Variants in TMEM26 observed in about 807,000 individuals in gnomAD.
TMEM26 encodes the protein transmembrane protein 26.
TMEM26 carries 38 observed loss-of-function variants against 28.8 expected under a neutral mutation model. That is an observed-to-expected ratio of 1.32 (90% CI 1.02 to 1.73). The LOEUF is 1.73. TMEM26 is among the 40% of genes most tolerant of loss of function. The pLI is 0.00. For synonymous variants in TMEM26, 227 were observed against 182.9 expected (o/e 1.24, Z -1.95); for missense variants, 518 against 447.1 (o/e 1.16, Z -1.43).
In TMEM26 at chr10:61,425,232, G is replaced by GCC. The variant is rs1839811219; in HGVS notation, c.605+3693_605+3694insGG. Among the ~76,000 whole-genome samples, 3 of 152,102 alleles carry GCC rather than the reference G, an allele frequency of 2.0e-5. No individual in the cohort carries two copies. In the South Asian group the frequency reaches 6.2e-4, roughly 31 times the overall value. ...ATTCACTATCACAAGAGCAGTGCAG[G>GCC]AAAGACCTGCTCCCGTAACTCAGTC... On this transcript the variant is annotated intron_variant, in intron 4 of 5. Coordinates refer to ENST00000399298, the MANE Select transcript of TMEM26 (RefSeq NM_178505.8).
At chr10:61,432,976 G>A (rs1839946932) in intron 2 of TMEM26, among the ~76,000 whole-genome samples, 1 of 152,136 alleles carries the variant, frequency 6.6e-6, no homozygotes, top group East Asian at 1.9e-4. Flanking sequence ...TCATTGCAAA[G>A]CATGTTGGTG....
In TMEM26 at chr10:61,408,433, T is replaced by A. The variant is rs1399037848; in HGVS notation, c.*1889A>T. ...TTATACTTTATCTATTTTTAGGGCC[T>A]CAGTGTTTATTTTGCTGGAAGAAAA... On this transcript the variant is annotated 3_prime_UTR_variant, in exon 6 of 6. Coordinates refer to ENST00000399298, the MANE Select transcript of TMEM26 (RefSeq NM_178505.8). 1 of 152,212 alleles carries A rather than the reference T, an allele frequency of 6.6e-6. No individual in the cohort carries two copies. The highest frequency in any genetic ancestry group is 1.5e-5 in the Non-Finnish European group (1 of 68,032). The allele number at this position is 152,212 out of a possible 1,614,324, so 9.4% of individuals were successfully genotyped here.
intron 4 of TMEM26, among the ~76,000 whole-genome samples, chr10:61,420,538 T>C (rs1839728164): frequency 2.0e-5 from 3 of 152,148 alleles, no homozygotes; most frequent in Admixed American, 1.3e-4. Context: ...AATTATATAT[T>C]TGTATATATA....
intron 4 of TMEM26, among the ~76,000 whole-genome samples, chr10:61,420,355 G>A (rs1325321332): frequency 6.6e-6 from 1 of 152,066 alleles, no homozygotes. Flanking sequence ...GGAAGAGGTG[G>A]AAGAGGTGGA....
Position 61,453,198 on chromosome 10 carries a change from G to A in TMEM26, c.-117C>T. On this transcript the variant is annotated 5_prime_UTR_variant, in exon 1 of 6. Coordinates refer to ENST00000399298, the MANE Select transcript of TMEM26 (RefSeq NM_178505.8). ...CAAGCACTGAGACCTGCTGCTGCTT[G>A]TGGTCCCTTCTCACCCTCAGCGCCC... The A allele has an allele frequency of 9.1e-7, 1 of 1,094,978 alleles. No individual in the cohort carries two copies. The highest frequency in any genetic ancestry group is 1.5e-5 in the South Asian group (1 of 66,680). The allele number at this position is 1,094,978 out of a possible 1,614,324, so 67.8% of individuals were successfully genotyped here.
chr10:61,453,265 C>A lies in TMEM26; in HGVS notation c.-184G>T, dbSNP rs530422492. On this transcript the variant is annotated 5_prime_UTR_variant, in exon 1 of 6. Transcript: ENST00000399298. Reference sequence around the variant, plus strand: ...GTGCGCGGCTCGCCCCTCCCCCAAACTTCCTGAGAACTCTTCAAAGAGGGG... The same window carrying A: ...GTGCGCGGCTCGCCCCTCCCCCAAAATTCCTGAGAACTCTTCAAAGAGGGG... 10 of 625,088 alleles carry A rather than the reference C, an allele frequency of 1.6e-5. No individual in the cohort carries two copies. In the East Asian group the frequency reaches 2.8e-4, roughly 17 times the overall value. 38.7% of individuals were successfully genotyped at this position (625,088 alleles called of 1,614,324 possible). A position where few individuals can be genotyped will look rare whatever the true frequency, so the allele number is the denominator to read the frequency against.
chr10:61,410,365 C>A lies in TMEM26; in HGVS notation c.1064G>T (p.Arg355Leu), dbSNP rs1402246505. ...GTCGTCGGAGGTGACTGGGGAGCCC[C>A]GCAAAGGAATAGCCAGGCCCTCCTT... ...ESKEGLAIPL[R>L]GSPVTSDDSH... The change falls in exon 6 of 6, where the codon CGG becomes CTG. Residue 355 changes from arginine (R) to leucine (L), a missense_variant. By Grantham distance (102) the Arg-to-Leu change is moderately radical. Transcript: ENST00000399298. 1.9e-6 allele frequency: 3 copies of A among 1,613,770 alleles called. No homozygotes were observed. Among genetic ancestry groups the A allele is most frequent in the Non-Finnish European group, 2.5e-6 (3 of 1,179,928 alleles).
chr10:61,445,730 C>A (rs979463931), intron 1 of TMEM26, among the ~76,000 whole-genome samples: 8 of 151,746 alleles, frequency 5.3e-5, no homozygotes, highest in African/African-American at 1.7e-4. Context: ...ATTTTATATA[C>A]CAAAGGCCTT....
At position 61,452,896 on chromosome 10, in the gene TMEM26, G is replaced by T. The variant is rs532522093; in HGVS notation, c.186C>A (p.Tyr62Ter). 4.3e-6 allele frequency: 7 copies of T among 1,612,950 alleles called. No homozygotes were observed. In the South Asian group the frequency reaches 6.6e-5, roughly 15 times the overall value. The change falls in exon 1 of 6, where the codon TAC (tyrosine) becomes TAA (stop). Residue 62 changes from tyrosine (Y) to a stop codon, truncating the protein, a stop_gained. Transcript: ENST00000399298. LOFTEE classifies it high-confidence loss of function. The stretch of plus-strand genomic sequence containing the variant: ...CTTTCCCGGGGCACTCTCACCATTT[G>T]TAGCCTCTGCCGCGCTTGAACTTGA... ...LTLKFKRGRG[Y>*]KWFSPAIFLY...
At position 61,437,950 on chromosome 10, in the gene TMEM26, A is replaced by G. The variant is rs138974866; in HGVS notation, c.192-1702T>C. ...AGAAAATAGACATGTTAATTGCTCA[A>G]CAAATAGAATTGTTCGAGATGAAAT... On this transcript the variant is annotated intron_variant, in intron 1 of 5. Coordinates refer to ENST00000399298, the MANE Select transcript of TMEM26 (RefSeq NM_178505.8). Among the ~76,000 whole-genome samples, 1,223 of 152,340 alleles carry G rather than the reference A, an allele frequency of 8.0e-3. 11 individuals carry two copies. Among genetic ancestry groups the G allele is most frequent in the African/African-American group, 0.024 (980 of 41,562 alleles).
chr10:61,419,101 A>G (rs1320181224), intron 4 of TMEM26, among the ~76,000 whole-genome samples: 1 of 152,152 alleles, frequency 6.6e-6, no homozygotes, highest in Non-Finnish European at 1.5e-5. Flanking sequence ...GACATCAGTG[A>G]CTACAACCCA....
At chr10:61,446,053 A>G (rs1275240190) in intron 1 of TMEM26, among the ~76,000 whole-genome samples, 3 of 152,246 alleles carry the variant, frequency 2.0e-5, no homozygotes, top group Non-Finnish European at 4.4e-5. Flanking sequence ...TAAATGTCTC[A>G]GTTGAACATG....
In TMEM26 at chr10:61,453,227, G is replaced by A; in HGVS notation, c.-146C>T. 1.2e-6 allele frequency: 1 copy of A among 817,932 alleles called. No individual in the cohort carries two copies. The highest frequency in any genetic ancestry group is 2.8e-5 in the Admixed American group (1 of 36,136). The allele number at this position is 817,932 out of a possible 1,614,324, so 50.7% of individuals were successfully genotyped here. A position where few individuals can be genotyped will look rare whatever the true frequency, so the allele number is the denominator to read the frequency against. The stretch of plus-strand genomic sequence containing the variant: ...TCCCTTCTCACCCTCAGCGCCCGAT[G>A]CCGGTAGAACTGGTGCGCGGCTCGC... On this transcript the variant is annotated 5_prime_UTR_variant, in exon 1 of 6. Coordinates refer to ENST00000399298, the MANE Select transcript of TMEM26 (RefSeq NM_178505.8).
chr10:61,443,199 T>C (rs56338590), intron 1 of TMEM26, among the ~76,000 whole-genome samples: 31,279 of 150,746 alleles, frequency 0.21, 3,522 homozygotes, highest in Middle Eastern at 0.32. Context: ...ACGCCTGTAA[T>C]CCCAGCCCTT....
At chr10:61,417,565 C>T (rs1168205415) in intron 4 of TMEM26, among the ~76,000 whole-genome samples, 1 of 150,802 alleles carries the variant, frequency 6.6e-6, no homozygotes, top group African/African-American at 2.4e-5. Context: ...AAATATTTCA[C>T]CATTTCTTCC....
In TMEM26 at chr10:61,409,875, T is replaced by C. The variant is rs1160280683; in HGVS notation, c.*447A>G. 3.0e-5 allele frequency: 5 copies of C among 165,952 alleles called. No individual in the cohort carries two copies. Among genetic ancestry groups the C allele is most frequent in the Admixed American group, 2.8e-4 (5 of 17,612 alleles). The allele number at this position is 165,952 out of a possible 1,614,324, so 10.3% of individuals were successfully genotyped here. A position where few individuals can be genotyped will look rare whatever the true frequency, so the allele number is the denominator to read the frequency against. On this transcript the variant is annotated 3_prime_UTR_variant, in exon 6 of 6. Transcript: ENST00000399298. ...TTAAAGGCACTTTTCCCTTCATTTG[T>C]TCTGCATTCACTGAATGTACATTTT...
intron 4 of TMEM26, among the ~76,000 whole-genome samples, chr10:61,427,782 C>T (rs1202592900): frequency 6.6e-6 from 1 of 152,020 alleles, no homozygotes; most frequent in African/African-American, 2.4e-5. Flanking sequence ...ATTGTGATGT[C>T]CCTGTCACTT....
chr10:61,447,941 T>C (rs1220590090), intron 1 of TMEM26, among the ~76,000 whole-genome samples: 2 of 152,242 alleles, frequency 1.3e-5, no homozygotes, highest in African/African-American at 2.4e-5. Flanking sequence ...AATTCATCTG[T>C]TTATTAATTA....
rs143191299 is a variant in TMEM26, at chr10:61,418,545, G to C, written c.606-5010C>G. 9.5e-4 allele frequency among the ~76,000 whole-genome samples: 144 copies of C among 152,132 alleles called. 1 individual carries two copies. The highest frequency in any genetic ancestry group is 3.3e-3 in the African/African-American group (138 of 41,524). ...GTCAGCAAAAAAACAAAAAAACCCT[G>C]TCTAAGTTGATTCAAGTTTTGGGAA... is the stretch of plus-strand genomic sequence containing the variant. On this transcript the variant is annotated intron_variant, in intron 4 of 5. Coordinates refer to ENST00000399298, the MANE Select transcript of TMEM26 (RefSeq NM_178505.8).
Sources: gnomAD v4.1 joint callset for allele counts (sites outside exome capture counted in the v4.1 genomes callset) on GRCh38, gnomAD v4.1.1 for gene constraint, MANE v1.5 for transcripts, NCBI Gene and HGNC (gene_info 2026-07-23, HGNC 2026-07-21) for gene names.